The following SLC8A1 variants were observed in gnomAD, a reference collection of about 807,000 sequenced individuals.
SLC8A1 encodes sodium/calcium exchanger 1.
Under a neutral mutation model 68.3 loss-of-function variants are expected in SLC8A1, and 18 were observed. The observed-to-expected ratio is 0.26, with a 90% CI of 0.18 to 0.39. The LOEUF is 0.39. SLC8A1 is among the 10% of genes least tolerant of loss of function. The pLI is 1.00. For missense variants in SLC8A1, 985 were observed against 1,156.7 expected (o/e 0.85, Z 2.15); for synonymous variants, 475 against 415.5 (o/e 1.14, Z -1.74).
At chr2:40,326,109 G>T (rs1221894372) in intron 2 of SLC8A1, among the ~76,000 whole-genome samples, 1 of 152,080 alleles carries the variant, frequency 6.6e-6, no homozygotes, top group Non-Finnish European at 1.5e-5. Flanking sequence ...AGGATATCTT[G>T]TCTGGATTTT....
intron 2 of SLC8A1, among the ~76,000 whole-genome samples, chr2:40,409,423 T>C (rs1341410911): frequency 1.3e-5 from 2 of 152,148 alleles, no homozygotes; most frequent in African/African-American, 2.4e-5. Flanking sequence ...TACTTTACAA[T>C]TGTCCAGAGC....
intron 6 of SLC8A1, among the ~76,000 whole-genome samples, chr2:40,145,043 T>C (rs1357559575): frequency 6.6e-6 from 1 of 152,202 alleles, no homozygotes; most frequent in Non-Finnish European, 1.5e-5. Context: ...TGCTATTTTG[T>C]ATCCTTTGAC....
intron 1 of SLC8A1, among the ~76,000 whole-genome samples, chr2:40,442,307 C>A (rs867063467): frequency 1.3e-3 from 191 of 141,484 alleles, no homozygotes; most frequent in African/African-American, 4.7e-3. Flanking sequence ...TCAGAGTGAA[C>A]AAGCAACCTA....
intron 2 of SLC8A1, among the ~76,000 whole-genome samples, chr2:40,391,291 A>G (rs1685189585): frequency 6.6e-6 from 1 of 151,934 alleles, no homozygotes; most frequent in Admixed American, 6.6e-5. Context: ...GAAGAAAAGC[A>G]GTTTATTTGC....
chr2:40,247,232 G>A (rs1272277002), intron 2 of SLC8A1, among the ~76,000 whole-genome samples: 2 of 152,252 alleles, frequency 1.3e-5, no homozygotes, highest in Non-Finnish European at 2.9e-5. Flanking sequence ...GGAATGGAGC[G>A]ATCACTATCC....
At chr2:40,174,994 C>T (rs2148540697) in intron 3 of SLC8A1, 152 bp from the exon 5 acceptor site, 2 of 772,604 alleles carry the variant, frequency 2.6e-6, no homozygotes, top group Non-Finnish European at 4.3e-6. Context: ...GACTGAATCA[C>T]TAATCGTTCT....
At chr2:40,421,361 T>C (rs549679628) in intron 2 of SLC8A1, among the ~76,000 whole-genome samples, 1 of 152,212 alleles carries the variant, frequency 6.6e-6, no homozygotes, top group African/African-American at 2.4e-5. Flanking sequence ...AATTTCCAAG[T>C]TTAGCGATCC....
At chr2:40,479,277 G>T (rs1277252213) in intron 1 of SLC8A1, among the ~76,000 whole-genome samples, 1 of 152,082 alleles carries the variant, frequency 6.6e-6, no homozygotes, top group Non-Finnish European at 1.5e-5. Flanking sequence ...GTCAAAATTT[G>T]TATCTTTTGT....
At chr2:40,164,497 A>C (rs1273402308) in intron 5 of SLC8A1, among the ~76,000 whole-genome samples, 1 of 152,210 alleles carries the variant, frequency 6.6e-6, no homozygotes, top group Non-Finnish European at 1.5e-5. Context: ...CAGATTTATT[A>C]GCATTTTCAA....
intron 7 of SLC8A1, among the ~76,000 whole-genome samples, chr2:40,129,208 GA>G (rs2038803142): frequency 6.6e-6 from 1 of 150,990 alleles, no homozygotes; most frequent in African/African-American, 2.4e-5. Context: ...CAACCCACCA[GA>G]AAACAGTGGT....
intron 2 of SLC8A1, among the ~76,000 whole-genome samples, chr2:40,238,200 C>A (rs1208676282): frequency 2.0e-5 from 3 of 151,894 alleles, no homozygotes; most frequent in Admixed American, 6.6e-5. Context: ...GCCCCTCCCC[C>A]AGCCTCGCTG....
rs562910934 is a variant in SLC8A1 at position 40,370,773 on chromosome 2, C to T, written c.1808+57700G>A. The stretch of plus-strand genomic sequence containing the variant: ...TTACAATTTACAAAGCACTTTCATA[C>T]CTGTATTCTTACTTATCAGCATTAC... On this transcript the variant is annotated intron_variant, in intron 2 of 7. Transcript: ENST00000406785. Among the ~76,000 whole-genome samples, 14 of 152,120 alleles carry T rather than the reference C, an allele frequency of 9.2e-5. No individual in the cohort carries two copies. The South Asian group carries it at 2.1e-3, about 22-fold the overall frequency.
upstream of SLC8A1, among the ~76,000 whole-genome samples, chr2:40,452,883 G>T (rs1251396636): frequency 1.3e-5 from 2 of 152,074 alleles, no homozygotes; most frequent in East Asian, 3.9e-4. Flanking sequence ...AGGCGTGCTG[G>T]TTTTAAACTA....
intron 2 of SLC8A1, among the ~76,000 whole-genome samples, chr2:40,314,569 A>G (rs114890647): frequency 0.011 from 1,692 of 152,108 alleles, 31 homozygotes; most frequent in African/African-American, 0.039. Flanking sequence ...CTGGAATTAC[A>G]TTGAATCTCT....
In SLC8A1 at chr2:40,247,065, G is replaced by C. The variant is rs577199378; in HGVS notation, c.1809-69210C>G. ...GTGTGAAATCATGCTGGGGTGGAAA[G>C]GCCAGCATATTTCTTATAGATTAGT... On this transcript the variant is annotated intron_variant, in intron 2 of 7. Coordinates refer to ENST00000406785, the Ensembl canonical transcript of SLC8A1. Among the ~76,000 whole-genome samples, 6 of 152,268 alleles carry C rather than the reference G, an allele frequency of 3.9e-5. No homozygotes were observed. The East Asian group carries it at 9.7e-4, about 24-fold the overall frequency.
chr2:40,382,102 A>C (rs781741154), intron 2 of SLC8A1, among the ~76,000 whole-genome samples: 2 of 152,086 alleles, frequency 1.3e-5, no homozygotes, highest in Non-Finnish European at 2.9e-5. Flanking sequence ...CATTTCAGTA[A>C]CACACATTTC....
intron 2 of SLC8A1, among the ~76,000 whole-genome samples, chr2:40,263,992 C>T (rs1196800062): frequency 6.6e-6 from 1 of 152,038 alleles, no homozygotes; most frequent in African/African-American, 2.4e-5. Context: ...TGAACTCAAA[C>T]AAATTTACAA....
chr2:40,164,371 A>G (rs907469394), intron 5 of SLC8A1, among the ~76,000 whole-genome samples: 13 of 152,212 alleles, frequency 8.5e-5, no homozygotes, highest in African/African-American at 2.9e-4. Context: ...GGATCTGAAG[A>G]GGATGATTAA....
At chr2:40,397,103 G>A (rs1687224223) in intron 2 of SLC8A1, among the ~76,000 whole-genome samples, 1 of 152,188 alleles carries the variant, frequency 6.6e-6, no homozygotes, top group African/African-American at 2.4e-5. Flanking sequence ...CAGAAAAAAG[G>A]TGAAGTATTG....
Sources: gnomAD v4.1 joint callset for allele counts (sites outside exome capture counted in the v4.1 genomes callset) on GRCh38, gnomAD v4.1.1 for gene constraint, MANE v1.5 for transcripts, NCBI Gene and HGNC (gene_info 2026-07-23, HGNC 2026-07-21) for gene names.